PRMT7: variants seen among roughly 807,000 people sequenced by gnomAD.
PRMT7 encodes the protein protein arginine N-methyltransferase 7.
PRMT7 carries 75 observed loss-of-function variants against 85.4 expected under a neutral mutation model. That is an observed-to-expected ratio of 0.88 (90% CI 0.73 to 1.06). PRMT7 has a LOEUF of 1.06. Ranked by LOEUF, PRMT7 falls within the 50% of genes least tolerant of loss-of-function variation. PRMT7 has a pLI of 0.00. For missense variants in PRMT7, 868 were observed against 915.2 expected (o/e 0.95, Z 0.67); for synonymous variants, 397 against 359.5 (o/e 1.10, Z -1.18).
chr16:68,357,042 T>G lies in PRMT7; in HGVS notation c.1909-12T>G. Reference sequence around the variant, plus strand: ...GGGAGCCCTCACCATCTTCCTGCTCTTCTTCCTACAGGGGGGCTGCTGCTG... The same window carrying G: ...GGGAGCCCTCACCATCTTCCTGCTCGTCTTCCTACAGGGGGGCTGCTGCTG... On this transcript the variant is annotated splice_polypyrimidine_tract_variant and intron_variant, in intron 18 of 18. Transcript: ENST00000441236. 5 of 1,596,142 alleles carry G rather than the reference T, an allele frequency of 3.1e-6. No individual in the cohort carries two copies. The highest frequency in any genetic ancestry group is 4.3e-6 in the Non-Finnish European group (5 of 1,170,198).
At chr16:68,317,525 A>G (rs1238503711) in intron 3 of PRMT7, among the ~76,000 whole-genome samples, 1 of 151,892 alleles carries the variant, frequency 6.6e-6, no homozygotes, top group Non-Finnish European at 1.5e-5. Flanking sequence ...CTGTCTCACA[A>G]ACAAACAAAG....
At chr16:68,338,275 G>A (rs1004660948) in intron 7 of PRMT7, among the ~76,000 whole-genome samples, 15 of 152,136 alleles carry the variant, frequency 9.9e-5, no homozygotes, top group African/African-American at 3.4e-4. Context: ...GGTCCCAGGA[G>A]TTGGTGGTCC....
intron 2 of PRMT7, among the ~76,000 whole-genome samples, chr16:68,314,708 A>G (rs1054153560): frequency 1.3e-5 from 2 of 152,230 alleles, no homozygotes; most frequent in Admixed American, 1.3e-4. Flanking sequence ...AGGGCAGTGT[A>G]GAACACCTAT....
chr16:68,345,981 A>G, intron 10 of PRMT7, 164 bp from the exon 11 acceptor site: 2 of 1,310,992 alleles, frequency 1.5e-6, no homozygotes, highest in Non-Finnish European at 1.0e-6. Context: ...AGAGGCTGTC[A>G]TGGGTTGCTG....
intron 9 of PRMT7, among the ~76,000 whole-genome samples, chr16:68,344,933 T>TACACACACACACACATAC (rs1555563402): frequency 7.6e-5 from 10 of 131,164 alleles, no homozygotes; most frequent in Non-Finnish European, 1.4e-4. Context: ...CCTGCATCTC[T>TACACACACACACACATAC]ACACACACAC....
At position 68,358,554 on chromosome 16, in the gene PRMT7, TAC is replaced by T. The variant is rs1162110895; in HGVS notation, c.*1332_*1333del. The T allele has an allele frequency of 6.6e-6, 1 of 152,484 alleles. No homozygotes were observed. The highest frequency in any genetic ancestry group is 2.4e-5 in the African/African-American group (1 of 41,406). The allele number at this position is 152,484 out of a possible 1,614,324, so 9.4% of individuals were successfully genotyped here. On this transcript the variant is annotated 3_prime_UTR_variant, in exon 19 of 19. Coordinates refer to ENST00000441236, the MANE Select transcript of PRMT7 (RefSeq NM_019023.5). ...CATGAAGATACAATACAGAAAAAAA[TAC>T]AGAAATTAAAAAAGTTTTTATAACA...
rs1371067383 is a variant in PRMT7 at position 68,346,384 on chromosome 16, C to G, written c.1191+104C>G. 10 of 1,537,928 alleles carry G rather than the reference C, an allele frequency of 6.5e-6. No homozygotes were observed. The East Asian group carries it at 1.8e-4, about 28-fold the overall frequency. On this transcript the variant is annotated intron_variant, in intron 11 of 18. Transcript: ENST00000441236. The stretch of plus-strand genomic sequence containing the variant: ...TGATTTGCTGTTTCTTTCCTGTGTC[C>G]TCTTGTCTATGAGTGGCTTCAGCGA...
intron 14 of PRMT7, 127 bp downstream of exon 14, chr16:68,348,558 C>T (rs777110870): frequency 6.7e-6 from 4 of 595,450 alleles, no homozygotes; most frequent in Non-Finnish European, 1.1e-5. Flanking sequence ...ACCTTACCTC[C>T]TACGAGCTCC....
rs114756503 is a variant in PRMT7, at chr16:68,326,693, T to G, written c.282+1861T>G. Among the ~76,000 whole-genome samples the G allele has an allele frequency of 4.4e-3, 665 of 152,282 alleles. 8 individuals carry two copies. The highest frequency in any genetic ancestry group is 0.015 in the African/African-American group (616 of 41,554). Reference sequence around the variant, plus strand: ...TTCAGTTACTCTTAGCTCAGACAAGTGCACCACTGCAAAGGTCAGTTCCCC... The same window carrying G: ...TTCAGTTACTCTTAGCTCAGACAAGGGCACCACTGCAAAGGTCAGTTCCCC... On this transcript the variant is annotated intron_variant, in intron 5 of 18. Transcript: ENST00000441236.
At chr16:68,355,336 G>A (rs2088192415) in intron 16 of PRMT7, 3 of 162,486 alleles carry the variant, frequency 1.8e-5, no homozygotes, top group African/African-American at 2.4e-5. Context: ...GCCAGGCACC[G>A]GGGCTGTACT....
chr16:68,320,559 T>A (rs909624289), intron 3 of PRMT7, among the ~76,000 whole-genome samples: 2 of 152,234 alleles, frequency 1.3e-5, no homozygotes, highest in Non-Finnish European at 2.9e-5. Context: ...AAAGCCGCCC[T>A]GGGTGGGCCA....
At chr16:68,319,588 A>AT (rs1291735285) in intron 3 of PRMT7, among the ~76,000 whole-genome samples, 3 of 132,406 alleles carry the variant, frequency 2.3e-5, no homozygotes, top group Non-Finnish European at 1.6e-5. Flanking sequence ...TTGATGTGCC[A>AT]TTAAAAAAAA....
At chr16:68,355,621 C>T (rs577003571) in intron 16 of PRMT7, 102 bp from the exon 17 acceptor site, 42 of 1,234,736 alleles carry the variant, frequency 3.4e-5, no homozygotes, top group Non-Finnish European at 4.1e-5. Flanking sequence ...GGAGAACGCA[C>T]ACCCCTTGTG....
chr16:68,328,963 A>G (rs1224133652), intron 5 of PRMT7, 103 bp from the exon 6 acceptor site: 5 of 738,050 alleles, frequency 6.8e-6, no homozygotes, highest in African/African-American at 3.6e-5. Context: ...TTTAAGTTAC[A>G]TATCTTAGGA....
At chr16:68,353,640 T>G in intron 16 of PRMT7, 74 bp downstream of exon 16, 1 of 1,404,646 alleles carries the variant, frequency 7.1e-7, no homozygotes, top group Non-Finnish European at 9.5e-7. Flanking sequence ...GGTCCCAGCT[T>G]GGGCAGCACA....
Position 68,329,077 on chromosome 16 carries a change from T to C in PRMT7, c.294T>C (p.Pro98=). 6.2e-7 allele frequency: 1 copy of C among 1,609,254 alleles called. No individual in the cohort carries two copies. The highest frequency in any genetic ancestry group is 8.5e-7 in the Non-Finnish European group (1 of 1,175,660). Residue 98 remains proline, a synonymous_variant, in exon 6 of 19, where the codon CCT becomes CCC. Coordinates refer to ENST00000441236, the MANE Select transcript of PRMT7 (RefSeq NM_019023.5). ...DFCYAIEVFK[P]MADAAVKIVE... ...GCTCTATTTTCTAGGTTTTCAAGCC[T>C]ATGGCTGATGCTGCTGTGAAGATTG... is the stretch of plus-strand genomic sequence containing the variant.
intron 6 of PRMT7, among the ~76,000 whole-genome samples, chr16:68,336,542 A>G (rs1471890740): frequency 6.6e-6 from 1 of 152,202 alleles, no homozygotes; most frequent in African/African-American, 2.4e-5. Flanking sequence ...TCTCCCTGCA[A>G]CCTAGAAGTA....
At chr16:68,314,560 C>T (rs1397380211) in intron 2 of PRMT7, among the ~76,000 whole-genome samples, 1 of 152,120 alleles carries the variant, frequency 6.6e-6, no homozygotes, top group African/African-American at 2.4e-5. Flanking sequence ...GTAAGAATTC[C>T]ATGTTTACTT....
intron 6 of PRMT7, among the ~76,000 whole-genome samples, chr16:68,336,736 T>G (rs887935953): frequency 4.6e-5 from 7 of 152,184 alleles, no homozygotes; most frequent in Admixed American, 1.3e-4. Context: ...GTGTGTGTTT[T>G]TTTTGTTTGT....
Sources: allele counts gnomAD v4.1 joint callset (sites outside exome capture counted in the v4.1 genomes callset), GRCh38; gene constraint gnomAD v4.1.1; transcripts MANE v1.5; gene names NCBI Gene and HGNC (gene_info 2026-07-23, HGNC 2026-07-21).